Variants in MARCHF1 observed in about 807,000 individuals in gnomAD.
MARCHF1 encodes the protein E3 ubiquitin-protein ligase MARCHF1.
MARCHF1 carries 40 observed loss-of-function variants against 54.2 expected under a neutral mutation model. The observed-to-expected ratio is 0.74, with a 90% confidence interval of 0.57 to 0.96. The LOEUF (loss-of-function observed/expected upper bound fraction) is 0.96, where lower values mean the gene tolerates loss of function less well. MARCHF1 is among the 40% of genes least tolerant of loss of function. The pLI is 0.00. For synonymous variants in MARCHF1, 236 were observed against 236.3 expected (o/e 1.00, Z 0.01); for missense variants, 586 against 656.5 (o/e 0.89, Z 1.17).
chr4:164,046,692 A>C (rs1388426796), intron 2 of MARCHF1, among the ~76,000 whole-genome samples: 2 of 152,212 alleles, frequency 1.3e-5, no homozygotes, highest in African/African-American at 4.8e-5. Flanking sequence ...ACTTGAATGA[A>C]CATAAAGAAC....
At chr4:164,031,283 T>C (rs1480767889) in intron 2 of MARCHF1, among the ~76,000 whole-genome samples, 4 of 152,306 alleles carry the variant, frequency 2.6e-5, no homozygotes, top group Non-Finnish European at 4.4e-5. Flanking sequence ...TGCATAGTGG[T>C]GTTTATTGTA....
intron 3 of MARCHF1, among the ~76,000 whole-genome samples, chr4:163,931,022 G>T (rs367842865): frequency 6.6e-6 from 1 of 152,008 alleles, no homozygotes; most frequent in East Asian, 1.9e-4. Context: ...GTTAAATGAG[G>T]TCAAAAAAGT....
At chr4:163,584,438 A>G (rs1740340310) in intron 8 of MARCHF1, 2 of 152,318 alleles carry the variant, frequency 1.3e-5, no homozygotes, top group South Asian at 4.1e-4. Flanking sequence ...TACTGCAGAC[A>G]ATGCTCAGCA....
chr4:164,089,039 A>T (rs1366502087), intron 2 of MARCHF1, among the ~76,000 whole-genome samples: 3 of 152,174 alleles, frequency 2.0e-5, no homozygotes, highest in African/African-American at 7.2e-5. Context: ...CATGCTCCTA[A>T]GATTTAGCTG....
intron 4 of MARCHF1, among the ~76,000 whole-genome samples, chr4:163,810,349 G>A (rs72685631): frequency 0.038 from 5,794 of 152,198 alleles, 162 homozygotes; most frequent in South Asian, 0.074. Flanking sequence ...ATAAATTTTA[G>A]AATGGCCAAC....
chr4:163,619,139 G>A (rs1048759217), intron 5 of MARCHF1, among the ~76,000 whole-genome samples: 2 of 152,106 alleles, frequency 1.3e-5, no homozygotes, highest in African/African-American at 4.8e-5. Context: ...AGTAGATGGA[G>A]GTTTTGAATG....
At chr4:163,570,102 C>A (rs1220234554) in intron 8 of MARCHF1, among the ~76,000 whole-genome samples, 1 of 152,066 alleles carries the variant, frequency 6.6e-6, no homozygotes, top group Admixed American at 6.6e-5. Flanking sequence ...GCCAGCATAA[C>A]CCTTATCTGG....
chr4:163,842,664 C>T (rs755089037), intron 4 of MARCHF1, among the ~76,000 whole-genome samples: 2 of 152,118 alleles, frequency 1.3e-5, no homozygotes, highest in Non-Finnish European at 2.9e-5. Context: ...GTCAGGTGCT[C>T]ATGGCACGTA....
chr4:163,542,063 T>C (rs1738739446), intron 9 of MARCHF1, among the ~76,000 whole-genome samples: 1 of 152,256 alleles, frequency 6.6e-6, no homozygotes, highest in African/African-American at 2.4e-5. Flanking sequence ...GATACATATC[T>C]TGCTTTCTGT....
chr4:163,872,911 G>T, intron 3 of MARCHF1, among the ~76,000 whole-genome samples: 1 of 152,056 alleles, frequency 6.6e-6, no homozygotes, highest in Admixed American at 6.5e-5. Context: ...GGGCGTGGTG[G>T]CGGGCGCCTG....
At chr4:164,146,598 A>G (rs375767757) in intron 1 of MARCHF1, among the ~76,000 whole-genome samples, 23 of 151,830 alleles carry the variant, frequency 1.5e-4, no homozygotes, top group Middle Eastern at 3.4e-3. Context: ...AATAAATGGT[A>G]CTGGGAAAAC....
At chr4:164,358,837 CTGA>C (rs1447752154) in intron 1 of MARCHF1, among the ~76,000 whole-genome samples, 1 of 151,974 alleles carries the variant, frequency 6.6e-6, no homozygotes, top group Non-Finnish European at 1.5e-5. Context: ...TTTCTGACTA[CTGA>C]TAATATTGGA....
intron 1 of MARCHF1, among the ~76,000 whole-genome samples, chr4:164,340,150 A>G (rs769750548): frequency 1.3e-5 from 2 of 152,042 alleles, no homozygotes; most frequent in East Asian, 3.9e-4. Flanking sequence ...GGTAAAGTCT[A>G]CAAAATATTT....
rs1281699299 is a variant in MARCHF1 at position 163,737,212 on chromosome 4, T to TGG, written c.112-36350_112-36349insCC. Reference sequence around the variant, plus strand: ...TATTAGTTTATTTATTTATTTTTTTTAATTTTTTTTTTTTTTATTATACTC... The same window carrying TGG: ...TATTAGTTTATTTATTTATTTTTTTTGGAATTTTTTTTTTTTTTATTATACTC... On this transcript the variant is annotated intron_variant, in intron 4 of 9. Coordinates refer to ENST00000514618, the MANE Select transcript of MARCHF1 (RefSeq NM_001394959.1). Among the ~76,000 whole-genome samples the TGG allele has an allele frequency of 5.9e-5, 2 of 34,134 alleles. 1 individual carries two copies. The highest frequency in any genetic ancestry group is 2.3e-4 in the Non-Finnish European group (2 of 8,598). The allele number at this position is 34,134 out of a possible 152,430, so 22.4% of individuals were successfully genotyped here.
intron 2 of MARCHF1, among the ~76,000 whole-genome samples, chr4:164,037,909 A>G (rs1036820561): frequency 6.6e-6 from 1 of 152,206 alleles, no homozygotes; most frequent in Non-Finnish European, 1.5e-5. Flanking sequence ...TTCTATTTAT[A>G]TAATAATCTT....
chr4:163,609,623 GTA>G (rs959482367), intron 7 of MARCHF1, among the ~76,000 whole-genome samples: 446 of 123,828 alleles, frequency 3.6e-3, no homozygotes, highest in African/African-American at 0.012. Context: ...GTGTGTGTGT[GTA>G]TATATATATA....
intron 1 of MARCHF1, among the ~76,000 whole-genome samples, chr4:164,121,655 C>T (rs1756069241): frequency 6.6e-6 from 1 of 151,962 alleles, no homozygotes; most frequent in East Asian, 1.9e-4. Flanking sequence ...GGGCCACAGC[C>T]AAACCATATC....
At chr4:164,243,665 A>G (rs1012747077) in intron 1 of MARCHF1, among the ~76,000 whole-genome samples, 34 of 142,520 alleles carry the variant, frequency 2.4e-4, no homozygotes, top group Non-Finnish European at 4.3e-4. Flanking sequence ...AGACTGGCAA[A>G]TTGGATAAAG....
Position 163,527,212 on chromosome 4 carries a change from A to ACAT in MARCHF1, c.*1533_*1535dup, listed in dbSNP as rs1316465933. 3.3e-5 allele frequency: 5 copies of ACAT among 152,072 alleles called. No individual in the cohort carries two copies. Among genetic ancestry groups the ACAT allele is most frequent in the African/African-American group, 1.2e-4 (5 of 41,444 alleles). The allele number at this position is 152,072 out of a possible 1,614,324, so 9.4% of individuals were successfully genotyped here. A position where few individuals can be genotyped will look rare whatever the true frequency, so the allele number is the denominator to read the frequency against. ...TCTAGCTCACTGCAATGTCATTCAC[A>ACAT]CATCAGTTTTACATGAATATGCAAA... On this transcript the variant is annotated 3_prime_UTR_variant, in exon 10 of 10. Transcript: ENST00000514618.
Sources: gnomAD v4.1 joint callset for allele counts (sites outside exome capture counted in the v4.1 genomes callset) on GRCh38, gnomAD v4.1.1 for gene constraint, MANE v1.5 for transcripts, NCBI Gene and HGNC (gene_info 2026-07-23, HGNC 2026-07-21) for gene names.